KLHL18: variants seen among roughly 807,000 people sequenced by gnomAD.
KLHL18 encodes kelch like family member 18, also known as kelch-like protein 18.
In KLHL18, 38 loss-of-function variants were observed where a neutral mutation model predicts 58.5. The observed-to-expected ratio is 0.65, with a 90% confidence interval of 0.50 to 0.85. The LOEUF is 0.85. Ranked by LOEUF, KLHL18 falls within the 40% of genes least tolerant of loss-of-function variation. The pLI, the probability that KLHL18 is intolerant of heterozygous loss-of-function variation, is 0.00. For missense variants in KLHL18, 624 were observed against 778.4 expected (o/e 0.80, Z 2.36); for synonymous variants, 303 against 301.9 (o/e 1.00, Z -0.04).
intron 1 of KLHL18, among the ~76,000 whole-genome samples, chr3:47,297,112 T>A (rs1477956941): frequency 6.6e-6 from 1 of 152,206 alleles, no homozygotes; most frequent in African/African-American, 2.4e-5. Context: ...GCTGGTCAGC[T>A]ACTTCCTTCC....
intron 1 of KLHL18, among the ~76,000 whole-genome samples, chr3:47,317,704 G>A (rs1703488406): frequency 6.6e-6 from 1 of 152,120 alleles, no homozygotes; most frequent in Admixed American, 6.5e-5. Context: ...TAGACTTAAT[G>A]CAACTCTTCA....
intron 1 of KLHL18, among the ~76,000 whole-genome samples, chr3:47,302,305 C>T (rs545842274): frequency 6.6e-6 from 1 of 152,004 alleles, no homozygotes; most frequent in South Asian, 2.1e-4. Context: ...GCCAACATGG[C>T]GAAACCCTGT....
chr3:47,314,023 T>A (rs569147867), intron 1 of KLHL18, among the ~76,000 whole-genome samples: 12 of 152,316 alleles, frequency 7.9e-5, no homozygotes, highest in Admixed American at 3.9e-4. Context: ...TCTCTTTTTT[T>A]AAAAAATGAC....
At position 47,342,706 on chromosome 3, in the gene KLHL18, CTCTT is replaced by C; in HGVS notation, c.1227-10_1227-7del. The C allele has an allele frequency of 2.5e-6, 4 of 1,610,872 alleles. No homozygotes were observed. The highest frequency in any genetic ancestry group is 3.4e-6 in the Non-Finnish European group (4 of 1,177,128). The stretch of plus-strand genomic sequence containing the variant: ...TCTCATGCTTCCCCTCCTATTTTGA[CTCTT>C]TCCTGAAGATGGACAGTGGTGACCT... On this transcript the variant is annotated splice_polypyrimidine_tract_variant and intron_variant, in intron 8 of 9. Transcript: ENST00000232766.
chr3:47,312,094 GC>G (rs1703315550), intron 1 of KLHL18, among the ~76,000 whole-genome samples: 1 of 152,178 alleles, frequency 6.6e-6, no homozygotes, highest in Admixed American at 6.5e-5. Context: ...TCCCATGATT[GC>G]CCCAAATTTG....
chr3:47,322,421 G>C, intron 2 of KLHL18, 147 bp from the exon 3 acceptor site: 1 of 611,654 alleles, frequency 1.6e-6, no homozygotes, highest in Non-Finnish European at 2.4e-6. Flanking sequence ...GGTAGAATGA[G>C]TTTTAGGCTG....
intron 8 of KLHL18, among the ~76,000 whole-genome samples, chr3:47,341,227 A>T (rs756292266): frequency 6.6e-6 from 1 of 152,248 alleles, no homozygotes; most frequent in South Asian, 2.1e-4. Flanking sequence ...TTTGAAAAAC[A>T]TTGACAAGGT....
chr3:47,331,724 C>T (rs928382401), intron 4 of KLHL18, among the ~76,000 whole-genome samples: 24 of 150,592 alleles, frequency 1.6e-4, no homozygotes, highest in African/African-American at 4.4e-4. Flanking sequence ...TGAGCCACTG[C>T]GCCAGGCCCG....
chr3:47,305,860 G>C (rs1703136053), intron 1 of KLHL18, among the ~76,000 whole-genome samples: 1 of 152,076 alleles, frequency 6.6e-6, no homozygotes. Context: ...AATTTCATCA[G>C]TTGTCAAATT....
At chr3:47,292,635 G>A (rs1174120397) in intron 1 of KLHL18, among the ~76,000 whole-genome samples, 1 of 152,114 alleles carries the variant, frequency 6.6e-6, no homozygotes, top group Non-Finnish European at 1.5e-5. Flanking sequence ...GCTGGACACA[G>A]TGGCTGATGC....
chr3:47,329,131 A>C (rs757439020), intron 3 of KLHL18, among the ~76,000 whole-genome samples: 4 of 28,424 alleles, frequency 1.4e-4, no homozygotes, highest in Non-Finnish European at 3.9e-4. Context: ...CCTGTCTCAA[A>C]AAAGAAAAAA....
chr3:47,291,017 A>C lies in KLHL18; in HGVS notation c.129+7923A>C, dbSNP rs1276795637. On this transcript the variant is annotated intron_variant, in intron 1 of 9. Transcript: ENST00000232766. ...ATCCGTTACCAGTCAAGCAACATTC[A>C]TCATGTTCACCCTAAGGCTTCTGGA... is the stretch of plus-strand genomic sequence containing the variant. 2.6e-5 allele frequency among the ~76,000 whole-genome samples: 4 copies of C among 152,182 alleles called. No individual in the cohort carries two copies. In the East Asian group the frequency reaches 7.7e-4, roughly 29 times the overall value.
chr3:47,326,003 AGT>A (rs764537355), intron 3 of KLHL18, among the ~76,000 whole-genome samples: 2 of 151,988 alleles, frequency 1.3e-5, no homozygotes, highest in Non-Finnish European at 2.9e-5. Flanking sequence ...GCAGGAATGC[AGT>A]GGCATGATCT....
At chr3:47,328,103 G>T (rs1003365725) in intron 3 of KLHL18, among the ~76,000 whole-genome samples, 1 of 152,146 alleles carries the variant, frequency 6.6e-6, no homozygotes, top group African/African-American at 2.4e-5. Flanking sequence ...AGTGGCTCAT[G>T]CCTGTAATCC....
At chr3:47,311,503 T>A (rs536722633) in intron 1 of KLHL18, among the ~76,000 whole-genome samples, 19 of 151,914 alleles carry the variant, frequency 1.3e-4, no homozygotes, top group Non-Finnish European at 2.4e-4. Flanking sequence ...CCATTCTGGC[T>A]AACATAGTGA....
At chr3:47,340,414 G>T (rs978076825) in intron 7 of KLHL18, 158 bp from the exon 8 acceptor site, 1 of 504,972 alleles carries the variant, frequency 2.0e-6, no homozygotes, top group South Asian at 8.7e-5. Flanking sequence ...GAATGATGGG[G>T]CAGCTTCTGT....
chr3:47,341,106 ATATT>A (rs961264298), intron 8 of KLHL18, among the ~76,000 whole-genome samples: 4 of 152,192 alleles, frequency 2.6e-5, no homozygotes. Flanking sequence ...TCCATAAGAT[ATATT>A]AACATTTTAA....
intron 5 of KLHL18, 119 bp downstream of exon 5, chr3:47,333,436 C>G: frequency 1.0e-6 from 1 of 987,192 alleles, no homozygotes; most frequent in Non-Finnish European, 1.5e-6. Context: ...ATTCATGGCA[C>G]ACAGATTGGT....
chr3:47,336,209 C>T (rs925179771), intron 6 of KLHL18, among the ~76,000 whole-genome samples: 4 of 152,268 alleles, frequency 2.6e-5, no homozygotes, highest in South Asian at 2.1e-4. Flanking sequence ...AGCGCATGCC[C>T]GTCCCTCTGG....
Sources: gnomAD v4.1 joint callset for allele counts (sites outside exome capture counted in the v4.1 genomes callset) on GRCh38, gnomAD v4.1.1 for gene constraint, MANE v1.5 for transcripts, NCBI Gene and HGNC (gene_info 2026-07-23, HGNC 2026-07-21) for gene names.